Variants in NRG4 observed in about 807,000 individuals in gnomAD.
NRG4 encodes pro-neuregulin-4, membrane-bound isoform.
Under a neutral mutation model 15.0 loss-of-function variants are expected in NRG4, and 10 were observed. The ratio of observed to expected loss-of-function variants is 0.67; its 90% confidence interval spans 0.41 to 1.13. NRG4 has a LOEUF of 1.13. Among genes scored for constraint, NRG4 ranks in the 50% most tolerant of loss-of-function variants. The probability of loss-of-function intolerance (pLI) is 0.00; values close to 1 mark genes in which losing one functional copy is unlikely to be tolerated. For synonymous variants in NRG4, 41 were observed against 50.1 expected (o/e 0.82, Z 0.77); for missense variants, 139 against 140.2 (o/e 0.99, Z 0.04).
intron 3 of NRG4, among the ~76,000 whole-genome samples, chr15:76,002,573 T>TA (rs1035098236): frequency 1.3e-5 from 2 of 152,144 alleles, no homozygotes; most frequent in Admixed American, 6.5e-5. Flanking sequence ...ATTGAATTTT[T>TA]AAAAAACCTG....
intron 4 of NRG4, among the ~76,000 whole-genome samples, chr15:75,958,737 T>G (rs2032367358): frequency 6.6e-6 from 1 of 152,152 alleles, no homozygotes; most frequent in Non-Finnish European, 1.5e-5. Context: ...TACCTATACT[T>G]TCTACTCAAA....
At chr15:75,969,304 A>G (rs1183624250) in intron 3 of NRG4, 1 of 445,492 alleles carries the variant, frequency 2.2e-6, no homozygotes, top group Non-Finnish European at 4.5e-6. Context: ...TAGAAAATGA[A>G]CTCTTACTGA....
At chr15:75,966,492 G>C (rs1192667353) in intron 3 of NRG4, among the ~76,000 whole-genome samples, 1 of 152,076 alleles carries the variant, frequency 6.6e-6, no homozygotes, top group East Asian at 1.9e-4. Flanking sequence ...GTGTTTACAA[G>C]GAATAAAATA....
chr15:76,026,720 C>T (rs954431828), intron 5 of NRG4, among the ~76,000 whole-genome samples: 4 of 152,120 alleles, frequency 2.6e-5, no homozygotes, highest in African/African-American at 9.7e-5. Context: ...CACAAAACTA[C>T]CAGAAAACAA....
chr15:76,034,234 G>A (rs2035546450), intron 5 of NRG4, among the ~76,000 whole-genome samples: 1 of 152,162 alleles, frequency 6.6e-6, no homozygotes, highest in African/African-American at 2.4e-5. Flanking sequence ...TAATATAACT[G>A]TGAAAAAGAA....
downstream of NRG4, chr15:75,937,076 CTATACT>C (rs2141733928): frequency 6.6e-6 from 1 of 152,008 alleles, no homozygotes; most frequent in East Asian, 1.9e-4. Context: ...AATTTAATCA[CTATACT>C]TAATAAACAT....
intron 5 of NRG4, among the ~76,000 whole-genome samples, chr15:76,021,215 AC>A (rs1178286100): frequency 2.0e-5 from 3 of 152,216 alleles, no homozygotes; most frequent in Non-Finnish European, 4.4e-5. Flanking sequence ...TGATGACAGC[AC>A]ATCTGTTTAC....
Position 76,057,549 on chromosome 15 carries a change from T to G in NRG4, c.-327-530A>C, listed in dbSNP as rs79237800. ...TGCAGAATGGCATCTCGTCCACACT[T>G]AAGTTTTCAATACCCTAAAAAATTT... is the stretch of plus-strand genomic sequence containing the variant. On this transcript the variant is annotated intron_variant, in intron 1 of 8. Coordinates refer to the NRG4 transcript ENST00000563910. 2.5e-3 allele frequency among the ~76,000 whole-genome samples: 382 copies of G among 152,210 alleles called. 3 individuals are homozygous for G. Among genetic ancestry groups the G allele is most frequent in the African/African-American group, 8.8e-3 (366 of 41,522 alleles).
At chr15:75,990,409 A>G (rs2033963487) in intron 3 of NRG4, among the ~76,000 whole-genome samples, 1 of 152,152 alleles carries the variant, frequency 6.6e-6, no homozygotes, top group Non-Finnish European at 1.5e-5. Flanking sequence ...GGGAGCCCGG[A>G]AGATTAGAGG....
In NRG4 at chr15:76,024,593, T is replaced by C. The variant is rs565132574; in HGVS notation, c.-57+11351A>G. On this transcript the variant is annotated intron_variant, in intron 5 of 8. Coordinates refer to the NRG4 transcript ENST00000563910. ...CAGACTGGCTGAGCAACCAGGTGCC[T>C]GTGCCACCAGCCAGAGTAACAACTC... is the stretch of plus-strand genomic sequence containing the variant. Among the ~76,000 whole-genome samples, 6 of 152,298 alleles carry C rather than the reference T, an allele frequency of 3.9e-5. No homozygotes were observed. In the East Asian group the frequency reaches 1.2e-3, roughly 29 times the overall value.
At chr15:76,033,658 A>G (rs1392171591) in intron 5 of NRG4, among the ~76,000 whole-genome samples, 2 of 152,122 alleles carry the variant, frequency 1.3e-5, no homozygotes, top group African/African-American at 4.8e-5. Flanking sequence ...TGTCATCAAT[A>G]TTTTCAGTAT....
chr15:75,944,017 T>C (rs1487569924), intron 5 of NRG4, among the ~76,000 whole-genome samples: 2 of 151,516 alleles, frequency 1.3e-5, no homozygotes, highest in Non-Finnish European at 2.9e-5. Context: ...GGGGAAAAGA[T>C]TGCTAGAGTG....
intron 3 of NRG4, among the ~76,000 whole-genome samples, chr15:76,001,894 A>C (rs549491570): frequency 3.9e-5 from 6 of 152,192 alleles, no homozygotes; most frequent in Admixed American, 3.9e-4. Context: ...TCCCAGCCAG[A>C]TTTTTGTCAG....
Position 75,941,562 on chromosome 15 carries a change from T to C in NRG4, c.*2076A>G, listed in dbSNP as rs760882828. 2.0e-5 allele frequency: 3 copies of C among 152,200 alleles called. No individual in the cohort carries two copies. Among genetic ancestry groups the C allele is most frequent in the East Asian group, 3.8e-4 (2 of 5,206 alleles). 9.4% of individuals were successfully genotyped at this position (152,200 alleles called of 1,614,324 possible). A position where few individuals can be genotyped will look rare whatever the true frequency, so the allele number is the denominator to read the frequency against. On this transcript the variant is annotated 3_prime_UTR_variant, in exon 6 of 6. Coordinates refer to ENST00000394907, the MANE Select transcript of NRG4 (RefSeq NM_138573.4). ...ATGAATGGATAGACAAAATGTGTTA[T>C]ATCCATACAATGGAATATTATTCAG...
intron 5 of NRG4, among the ~76,000 whole-genome samples, chr15:76,031,806 G>A (rs896702458): frequency 1.3e-5 from 2 of 152,208 alleles, no homozygotes; most frequent in African/African-American, 4.8e-5. Flanking sequence ...AGTGAGCCAA[G>A]ATCGTGCCAT....
At chr15:75,968,867 G>A (rs1232885291) in intron 3 of NRG4, among the ~76,000 whole-genome samples, 1 of 152,064 alleles carries the variant, frequency 6.6e-6, no homozygotes, top group Non-Finnish European at 1.5e-5. Flanking sequence ...TATATACAAA[G>A]TATCTATACA....
chr15:75,954,588 T>G (rs1360925591), intron 5 of NRG4, among the ~76,000 whole-genome samples: 3 of 149,306 alleles, frequency 2.0e-5, no homozygotes, highest in Non-Finnish European at 1.5e-5. Context: ...CACCATTGGT[T>G]TTTTTTTTTG....
At chr15:76,012,629 A>G (rs1272910864), upstream of NRG4, among the ~76,000 whole-genome samples, 1 of 152,140 alleles carries the variant, frequency 6.6e-6, no homozygotes, top group Non-Finnish European at 1.5e-5. Flanking sequence ...ACCAAACCAC[A>G]TTCCTTAGAC....
At position 75,960,678 on chromosome 15, in the gene NRG4, C is replaced by A. The variant is rs368329062; in HGVS notation, c.251+1150G>T. ...AAGTAGTCTATGATCAAGGCAGTCA[C>A]GGTGCCTGCCTAGATTCAAGGAATC... On this transcript the variant is annotated intron_variant, in intron 4 of 5. Transcript: ENST00000394907. Among the ~76,000 whole-genome samples, 5 of 152,220 alleles carry A rather than the reference C, an allele frequency of 3.3e-5. No homozygotes were observed. In the East Asian group the frequency reaches 7.7e-4, roughly 24 times the overall value.
Sources: allele counts gnomAD v4.1 joint callset (sites outside exome capture counted in the v4.1 genomes callset), GRCh38; gene constraint gnomAD v4.1.1; transcripts MANE v1.5; gene names NCBI Gene and HGNC (gene_info 2026-07-23, HGNC 2026-07-21).